PTCHD4: variants seen among roughly 807,000 people sequenced by gnomAD.
The protein encoded by PTCHD4 is patched domain-containing protein 4.
PTCHD4 carries 33 observed loss-of-function variants against 58.1 expected under a neutral mutation model. The ratio of observed to expected loss-of-function variants is 0.57; its 90% CI spans 0.43 to 0.76. The LOEUF is 0.76. Ranked by LOEUF, PTCHD4 falls within the 30% of genes least tolerant of loss-of-function variation. The pLI, the probability that PTCHD4 is intolerant of heterozygous loss-of-function variation, is 0.00. For synonymous variants in PTCHD4, 478 were observed against 409.6 expected (o/e 1.17, Z -2.02); for missense variants, 1,058 against 1,027.1 (o/e 1.03, Z -0.41).
intron 1 of PTCHD4, among the ~76,000 whole-genome samples, chr6:48,106,468 A>AT (rs1408345885): frequency 6.6e-6 from 1 of 152,224 alleles, no homozygotes; most frequent in African/African-American, 2.4e-5. Flanking sequence ...AATAAGAGCT[A>AT]TCTATGACAA....
intron 4 of PTCHD4, among the ~76,000 whole-genome samples, chr6:47,918,991 C>T (rs575609558): frequency 6.6e-6 from 1 of 152,064 alleles, no homozygotes; most frequent in East Asian, 1.9e-4. Context: ...TTAGATTAGA[C>T]CGAACCCGTA....
At chr6:47,884,397 G>A (rs1381153304) in intron 4 of PTCHD4, among the ~76,000 whole-genome samples, 1 of 152,056 alleles carries the variant, frequency 6.6e-6, no homozygotes, top group Admixed American at 6.6e-5. Context: ...TTTCTCTTTA[G>A]CTTTTTCTAA....
In PTCHD4 at chr6:47,875,592, T is replaced by C. The variant is rs370952213; in HGVS notation, c.*2711A>G. Among the ~76,000 whole-genome samples the C allele has an allele frequency of 2.0e-5, 3 of 151,866 alleles. No homozygotes were observed. The South Asian group carries it at 6.2e-4, about 31-fold the overall frequency. On this transcript the variant is annotated 3_prime_UTR_variant, in exon 5 of 5. Coordinates refer to ENST00000339488, the MANE Select transcript of PTCHD4 (RefSeq NM_001384253.1). ...TACGGTGTCCTGGAAAAGATAATGT[T>C]CCTTCCAAAATGCCCTCTAGTCACT...
chr6:47,888,342 G>A (rs954710124), intron 4 of PTCHD4, among the ~76,000 whole-genome samples: 6 of 152,114 alleles, frequency 3.9e-5, no homozygotes, highest in South Asian at 2.1e-4. Flanking sequence ...GGGCGACAGC[G>A]CGAGACTCAG....
intron 4 of PTCHD4, among the ~76,000 whole-genome samples, chr6:47,908,880 G>A (rs1462684277): frequency 1.3e-5 from 2 of 152,026 alleles, no homozygotes; most frequent in Non-Finnish European, 2.9e-5. Flanking sequence ...GGTGACTAAT[G>A]ATCCGTTTGA....
intron 3 of PTCHD4, among the ~76,000 whole-genome samples, chr6:48,035,599 C>G (rs574576256): frequency 6.6e-6 from 1 of 152,222 alleles, no homozygotes; most frequent in East Asian, 1.9e-4. Context: ...TTTAACCAAG[C>G]CTTGGCTTTT....
rs142642486 is a variant in PTCHD4, at chr6:47,914,397, C to T, written c.899-34461G>A. 7.1e-4 allele frequency among the ~76,000 whole-genome samples: 108 copies of T among 152,138 alleles called. 1 individual carries two copies. The highest frequency in any genetic ancestry group is 2.5e-3 in the African/African-American group (102 of 41,554). ...GTTCTCAATGTGGATGGGCCTTATC[C>T]AACCCAGTGGAGGTGAGAGTAGAAC... On this transcript the variant is annotated intron_variant, in intron 4 of 4. Coordinates refer to ENST00000339488, the MANE Select transcript of PTCHD4 (RefSeq NM_001384253.1).
intron 3 of PTCHD4, among the ~76,000 whole-genome samples, chr6:48,021,315 T>A (rs1006197317): frequency 2.6e-5 from 4 of 152,076 alleles, no homozygotes; most frequent in Admixed American, 1.3e-4. Flanking sequence ...GGAAAAGTGC[T>A]AACACACACT....
At chr6:48,079,748 T>C (rs1435694620) in intron 1 of PTCHD4, among the ~76,000 whole-genome samples, 1 of 151,868 alleles carries the variant, frequency 6.6e-6, no homozygotes, top group East Asian at 1.9e-4. Flanking sequence ...AGTGCTATTA[T>C]TGCCTATACC....
At chr6:47,967,905 A>G (rs917170675) in intron 4 of PTCHD4, among the ~76,000 whole-genome samples, 3 of 152,132 alleles carry the variant, frequency 2.0e-5, no homozygotes, top group Non-Finnish European at 2.9e-5. Context: ...AGACCACTAT[A>G]ATGTTCTCCA....
intron 4 of PTCHD4, among the ~76,000 whole-genome samples, chr6:47,996,199 G>A (rs1280657587): frequency 5.3e-5 from 8 of 152,136 alleles, no homozygotes; most frequent in Admixed American, 4.6e-4. Flanking sequence ...TGGGCGCGGT[G>A]GCTCATGCCT....
At chr6:47,881,372 C>T (rs1561937531) in intron 4 of PTCHD4, among the ~76,000 whole-genome samples, 1 of 152,142 alleles carries the variant, frequency 6.6e-6, no homozygotes, top group Non-Finnish European at 1.5e-5. Context: ...GCCTAGTTTT[C>T]AACTAGAGGT....
chr6:48,099,002 C>A (rs1003404041), intron 1 of PTCHD4, among the ~76,000 whole-genome samples: 3 of 152,100 alleles, frequency 2.0e-5, no homozygotes, highest in African/African-American at 7.2e-5. Context: ...AGCTCAGAAC[C>A]TCTACAGTAA....
intron 4 of PTCHD4, among the ~76,000 whole-genome samples, chr6:47,923,813 T>C (rs968509969): frequency 5.9e-5 from 9 of 152,176 alleles, no homozygotes; most frequent in Non-Finnish European, 1.5e-5. Flanking sequence ...GTTAAATAGG[T>C]TATCTGGAGT....
rs181591384 is a variant in PTCHD4, at chr6:47,991,310, G to A, written c.898+17324C>T. Reference sequence around the variant, plus strand: ...AAGCAGTCAGAGAAAAAGACAATGCGATAAAGATGATAGAGAATAGTTATT... The same window carrying A: ...AAGCAGTCAGAGAAAAAGACAATGCAATAAAGATGATAGAGAATAGTTATT... On this transcript the variant is annotated intron_variant, in intron 4 of 4. Transcript: ENST00000339488. 5.3e-5 allele frequency among the ~76,000 whole-genome samples: 8 copies of A among 152,158 alleles called. No individual in the cohort carries two copies. The East Asian group carries it at 1.2e-3, about 22-fold the overall frequency.
At position 47,868,442 on chromosome 6, in the gene PTCHD4, A is replaced by T. The variant is rs1581800099; in HGVS notation, c.*9861T>A. On this transcript the variant is annotated 3_prime_UTR_variant, in exon 5 of 5. Coordinates refer to ENST00000339488, the MANE Select transcript of PTCHD4 (RefSeq NM_001384253.1). ...AGCTTCTGAATATGGGCTCTCAAAG[A>T]TTGAAATTATTAAATAACCTCCTTT... Among the ~76,000 whole-genome samples the T allele has an allele frequency of 6.6e-6, 1 of 151,774 alleles. No individual in the cohort carries two copies. Among genetic ancestry groups the T allele is most frequent in the Non-Finnish European group, 1.5e-5 (1 of 67,820 alleles).
In PTCHD4 at chr6:47,877,501, C is replaced by A. The variant is rs1763878536; in HGVS notation, c.*802G>T. ...TTAATTCAAATGCCTTTTGTGTTTT[C>A]TTGTGAAGTCATCCAAAGCAAAAGT... On this transcript the variant is annotated 3_prime_UTR_variant, in exon 5 of 5. Transcript: ENST00000339488. 6.6e-6 allele frequency among the ~76,000 whole-genome samples: 1 copy of A among 152,030 alleles called. No homozygotes were observed. Among genetic ancestry groups the A allele is most frequent in the South Asian group, 2.1e-4 (1 of 4,818 alleles).
chr6:47,875,827 A>T lies in PTCHD4; in HGVS notation c.*2476T>A, dbSNP rs1763832505. 6.6e-6 allele frequency among the ~76,000 whole-genome samples: 1 copy of T among 151,796 alleles called. No individual in the cohort carries two copies. The highest frequency in any genetic ancestry group is 1.5e-5 in the Non-Finnish European group (1 of 67,862). On this transcript the variant is annotated 3_prime_UTR_variant, in exon 5 of 5. Coordinates refer to ENST00000339488, the MANE Select transcript of PTCHD4 (RefSeq NM_001384253.1). ...TTCTTTCCCTGTAAATCAGCCTGCCATTCTTCTTTGCATGCAGAATGGTCT... is the reference window on the plus strand; with the variant it reads ...TTCTTTCCCTGTAAATCAGCCTGCCTTTCTTCTTTGCATGCAGAATGGTCT...
chr6:48,104,681 A>C (rs571310923), intron 1 of PTCHD4, among the ~76,000 whole-genome samples: 1 of 152,230 alleles, frequency 6.6e-6, no homozygotes, highest in Non-Finnish European at 1.5e-5. Context: ...GTCAAGACCC[A>C]TCAGTGTGCT....
Sources: allele counts gnomAD v4.1 joint callset (sites outside exome capture counted in the v4.1 genomes callset), GRCh38; gene constraint gnomAD v4.1.1; transcripts MANE v1.5; gene names NCBI Gene and HGNC (gene_info 2026-07-23, HGNC 2026-07-21).